The following CSMD3 variants were observed in gnomAD, a reference collection of about 807,000 sequenced individuals.
CSMD3 encodes the protein CUB and Sushi multiple domains 3, also known as CUB and sushi domain-containing protein 3.
In CSMD3, 177 loss-of-function variants were observed where a neutral mutation model predicts 435.2. That is an observed-to-expected ratio of 0.41 (90% CI 0.36 to 0.46). The LOEUF is 0.46. CSMD3 is among the 20% of genes least tolerant of loss of function. The pLI is 0.34. For synonymous variants in CSMD3, 1,656 were observed against 1,520.5 expected (o/e 1.09, Z -2.07); for missense variants, 4,265 against 4,504.6 (o/e 0.95, Z 1.52).
intron 24 of CSMD3, among the ~76,000 whole-genome samples, chr8:112,559,044 G>A (rs1828379689): frequency 6.6e-6 from 1 of 151,862 alleles, no homozygotes; most frequent in African/African-American, 2.4e-5. Flanking sequence ...ATTCTGAGAT[G>A]TAGAGATAAT....
chr8:113,366,274 T>C (rs973845909), intron 1 of CSMD3, among the ~76,000 whole-genome samples: 3 of 151,990 alleles, frequency 2.0e-5, no homozygotes, highest in African/African-American at 7.2e-5. Flanking sequence ...TCTGAGGGTT[T>C]ATTCACAGAG....
At chr8:112,660,010 T>C (rs552739059) in intron 17 of CSMD3, among the ~76,000 whole-genome samples, 140 of 152,184 alleles carry the variant, frequency 9.2e-4, no homozygotes, top group Admixed American at 2.3e-3. Context: ...CAAATTTTGT[T>C]TTCAACAAAT....
intron 3 of CSMD3, among the ~76,000 whole-genome samples, chr8:113,188,566 G>C (rs2092541552): frequency 6.6e-6 from 1 of 151,886 alleles, no homozygotes; most frequent in Non-Finnish European, 1.5e-5. Context: ...AATAAATCTT[G>C]ATTATTTTGC....
At chr8:112,857,133 A>T (rs1017248856) in intron 11 of CSMD3, among the ~76,000 whole-genome samples, 4 of 151,594 alleles carry the variant, frequency 2.6e-5, no homozygotes, top group African/African-American at 9.7e-5. Context: ...GTCACAAGGT[A>T]AAATATAATC....
chr8:113,055,993 A>T (rs2131345327), intron 5 of CSMD3, among the ~76,000 whole-genome samples: 1 of 152,348 alleles, frequency 6.6e-6, no homozygotes, highest in Admixed American at 6.5e-5. Flanking sequence ...GGACACAGAA[A>T]GGACCCATGA....
At chr8:112,709,635 G>A (rs1054779540) in intron 13 of CSMD3, among the ~76,000 whole-genome samples, 5 of 152,034 alleles carry the variant, frequency 3.3e-5, no homozygotes, top group Admixed American at 6.6e-5. Context: ...AGGTCATTTA[G>A]TTTAACTTTC....
At chr8:113,329,848 G>A (rs1035493697) in intron 1 of CSMD3, among the ~76,000 whole-genome samples, 2 of 151,700 alleles carry the variant, frequency 1.3e-5, no homozygotes, top group African/African-American at 4.8e-5. Context: ...AACCAAAAAG[G>A]CTCTCAAAAA....
Position 113,087,330 on chromosome 8 carries a change from C to G in CSMD3, c.917+11426G>C, listed in dbSNP as rs376339234. Among the ~76,000 whole-genome samples the G allele has an allele frequency of 4.0e-3, 612 of 151,848 alleles. 16 individuals carry two copies. Among genetic ancestry groups the G allele is most frequent in the Admixed American group, 0.037 (563 of 15,224 alleles). The stretch of plus-strand genomic sequence containing the variant: ...GCCATCCCCATCAAGCTACCAATGA[C>G]TTTCTTCACAGAATTGGAAAAAACT... On this transcript the variant is annotated intron_variant, in intron 5 of 70. Coordinates refer to ENST00000297405, the MANE Select transcript of CSMD3 (RefSeq NM_198123.2).
rs999471236 is a variant in CSMD3, at chr8:112,604,254, C to T, written c.3716-17019G>A. 3.9e-5 allele frequency among the ~76,000 whole-genome samples: 6 copies of T among 152,182 alleles called. No individual in the cohort carries two copies. In the East Asian group the frequency reaches 9.7e-4, roughly 24 times the overall value. ...GAGTTTGAAGCCAGGTAGTGTGATGCCTCCAGCTTTGTTCTTTTTGCTTAG... is the reference window on the plus strand; with the variant it reads ...GAGTTTGAAGCCAGGTAGTGTGATGTCTCCAGCTTTGTTCTTTTTGCTTAG... On this transcript the variant is annotated intron_variant, in intron 22 of 70. Coordinates refer to ENST00000297405, the MANE Select transcript of CSMD3 (RefSeq NM_198123.2).
chr8:112,920,755 G>A (rs2082709100), intron 10 of CSMD3, among the ~76,000 whole-genome samples: 1 of 151,714 alleles, frequency 6.6e-6, no homozygotes, highest in African/African-American at 2.4e-5. Flanking sequence ...GAACTCCCAT[G>A]TTAAAAATAA....
chr8:113,102,986 G>A (rs139734837), intron 4 of CSMD3, among the ~76,000 whole-genome samples: 19 of 152,270 alleles, frequency 1.2e-4, no homozygotes, highest in African/African-American at 3.8e-4. Flanking sequence ...TGAATCAAGA[G>A]TCCACGCAAA....
intron 13 of CSMD3, among the ~76,000 whole-genome samples, chr8:112,750,025 G>A (rs187816394): frequency 2.3e-3 from 343 of 152,000 alleles, no homozygotes; most frequent in African/African-American, 8.0e-3. Flanking sequence ...TTGAATGGAG[G>A]AAACCCCCTG....
At chr8:112,397,143 T>G (rs2129849550) in intron 35 of CSMD3, among the ~76,000 whole-genome samples, 1 of 152,304 alleles carries the variant, frequency 6.6e-6, no homozygotes, top group Non-Finnish European at 1.5e-5. Context: ...TTCAGAACAT[T>G]TTGAAGCTAA....
intron 13 of CSMD3, among the ~76,000 whole-genome samples, chr8:112,697,389 A>G (rs2076282381): frequency 1.3e-5 from 2 of 152,216 alleles, no homozygotes; most frequent in South Asian, 2.1e-4. Context: ...ATGGAATACT[A>G]TGCAGCCATA....
chr8:112,248,266 A>G (rs1329209674), intron 63 of CSMD3, among the ~76,000 whole-genome samples: 1 of 152,134 alleles, frequency 6.6e-6, no homozygotes, highest in Non-Finnish European at 1.5e-5. Context: ...AATAAATTAT[A>G]GGCATGATGA....
chr8:113,087,778 C>T (rs892376691), intron 5 of CSMD3, among the ~76,000 whole-genome samples: 1 of 152,056 alleles, frequency 6.6e-6, no homozygotes, highest in East Asian at 1.9e-4. Context: ...TAGGCAATAC[C>T]ATTCAGGACA....
At chr8:113,295,989 C>G (rs2093718170) in intron 2 of CSMD3, among the ~76,000 whole-genome samples, 1 of 152,066 alleles carries the variant, frequency 6.6e-6, no homozygotes, top group African/African-American at 2.4e-5. Context: ...AAGTTCACGT[C>G]CTTTGTAGGG....
chr8:113,249,857 T>A (rs1411970786), intron 3 of CSMD3, among the ~76,000 whole-genome samples: 1 of 151,896 alleles, frequency 6.6e-6, no homozygotes. Flanking sequence ...AAACAACAAT[T>A]TAAAGACTTG....
At chr8:113,243,513 A>T (rs1035938831) in intron 3 of CSMD3, among the ~76,000 whole-genome samples, 2 of 151,998 alleles carry the variant, frequency 1.3e-5, no homozygotes, top group Non-Finnish European at 2.9e-5. Flanking sequence ...TCATCAGTTG[A>T]TTGATATTCA....
Sources: gnomAD v4.1 joint callset for allele counts (sites outside exome capture counted in the v4.1 genomes callset) on GRCh38, gnomAD v4.1.1 for gene constraint, MANE v1.5 for transcripts, NCBI Gene and HGNC (gene_info 2026-07-23, HGNC 2026-07-21) for gene names.